Variants in SLC23A2 observed in about 807,000 individuals in gnomAD.
SLC23A2 encodes solute carrier family 23 member 2.
In SLC23A2, 36 loss-of-function variants were observed where a neutral mutation model predicts 73.3. That is an observed-to-expected ratio of 0.49 (90% CI 0.38 to 0.65). SLC23A2 has a LOEUF of 0.65. SLC23A2 is among the 30% of genes least tolerant of loss of function. The probability of loss-of-function intolerance (pLI) is 0.00; values close to 1 mark genes in which losing one functional copy is unlikely to be tolerated. For synonymous variants in SLC23A2, 343 were observed against 327.3 expected (o/e 1.05, Z -0.52); for missense variants, 507 against 841.6 (o/e 0.60, Z 4.92).
Position 4,993,105 on chromosome 20 carries a change from C to T in SLC23A2, c.-282+8301G>A, listed in dbSNP as rs182003767. Among the ~76,000 whole-genome samples, 14 of 151,644 alleles carry T rather than the reference C, an allele frequency of 9.2e-5. No individual in the cohort carries two copies. In the East Asian group the frequency reaches 9.9e-4, roughly 11 times the overall value. Reference sequence around the variant, plus strand: ...CATCCTGGCCAACACAGTGAAACCCCGTCTCTACTAAAAACACACACACAA... The same window carrying T: ...CATCCTGGCCAACACAGTGAAACCCTGTCTCTACTAAAAACACACACACAA... On this transcript the variant is annotated intron_variant, in intron 1 of 16. Coordinates refer to ENST00000338244, the MANE Select transcript of SLC23A2 (RefSeq NM_005116.6).
At chr20:4,956,003 A>AGTAT (rs2087282605) in intron 2 of SLC23A2, among the ~76,000 whole-genome samples, 1 of 152,162 alleles carries the variant, frequency 6.6e-6, no homozygotes, top group Admixed American at 6.5e-5. Context: ...CTCAATTCTT[A>AGTAT]GTATGTATGT....
intron 1 of SLC23A2, among the ~76,000 whole-genome samples, chr20:4,991,262 C>T (rs2087918855): frequency 6.6e-6 from 1 of 151,976 alleles, no homozygotes; most frequent in Non-Finnish European, 1.5e-5. Flanking sequence ...GTATGCACAC[C>T]ACCACGCCAG....
At chr20:4,905,862 T>C (rs908783358) in intron 4 of SLC23A2, among the ~76,000 whole-genome samples, 1 of 146,630 alleles carries the variant, frequency 6.8e-6, no homozygotes, top group African/African-American at 2.4e-5. Flanking sequence ...GTGGCTGTGT[T>C]CCAGCAAAAC....
intron 2 of SLC23A2, among the ~76,000 whole-genome samples, chr20:4,959,429 A>G (rs1275322057): frequency 2.0e-5 from 3 of 152,194 alleles, no homozygotes; most frequent in African/African-American, 7.2e-5. Flanking sequence ...CTGGGCATCT[A>G]TGGCTGAATG....
chr20:4,970,437 C>T (rs1200775181), intron 2 of SLC23A2, among the ~76,000 whole-genome samples: 2 of 152,038 alleles, frequency 1.3e-5, no homozygotes, highest in Non-Finnish European at 2.9e-5. Context: ...CCAATTCTAC[C>T]ATGAAGCATA....
intron 9 of SLC23A2, among the ~76,000 whole-genome samples, chr20:4,875,616 C>A (rs534567559): frequency 1.4e-4 from 22 of 152,282 alleles, no homozygotes; most frequent in Admixed American, 1.3e-3. Flanking sequence ...AGGTGCTGAC[C>A]CCTCCACGGC....
At position 4,925,889 on chromosome 20, in the gene SLC23A2, C is replaced by T. The variant is rs114814939; in HGVS notation, c.108+6566G>A. 2.9e-3 allele frequency among the ~76,000 whole-genome samples: 446 copies of T among 152,328 alleles called. 1 individual carries two copies. Among genetic ancestry groups the T allele is most frequent in the African/African-American group, 0.01 (420 of 41,566 alleles). ...GACCGGCAAGGCCCACCCTACAACA[C>T]GACTGGGCAAGGGTCTCACGTGGAC... On this transcript the variant is annotated intron_variant, in intron 3 of 16. Coordinates refer to ENST00000338244, the MANE Select transcript of SLC23A2 (RefSeq NM_005116.6).
intron 9 of SLC23A2, among the ~76,000 whole-genome samples, chr20:4,880,534 T>A (rs373025709): frequency 6.6e-6 from 1 of 151,638 alleles, no homozygotes; most frequent in African/African-American, 2.4e-5. Flanking sequence ...CACCAGAGCA[T>A]AAATGACAAT....
chr20:4,871,733 GAC>G (rs1386915478), intron 11 of SLC23A2, among the ~76,000 whole-genome samples: 3 of 152,108 alleles, frequency 2.0e-5, no homozygotes, highest in African/African-American at 7.2e-5. Flanking sequence ...GATGGGGCTC[GAC>G]ACACCCTATG....
chr20:4,937,049 G>A (rs960313060), intron 2 of SLC23A2, among the ~76,000 whole-genome samples: 24 of 151,966 alleles, frequency 1.6e-4, no homozygotes, highest in African/African-American at 5.3e-4. Context: ...CCTTGGACAC[G>A]CCATAAAAAG....
At chr20:4,988,050 G>A (rs2087859681) in intron 1 of SLC23A2, among the ~76,000 whole-genome samples, 1 of 149,892 alleles carries the variant, frequency 6.7e-6, no homozygotes, top group Admixed American at 6.7e-5. Context: ...TGTAATCTCA[G>A]CACTTTGGGA....
intron 4 of SLC23A2, among the ~76,000 whole-genome samples, chr20:4,910,233 C>T (rs1189542388): frequency 6.6e-6 from 1 of 152,002 alleles, no homozygotes; most frequent in African/African-American, 2.4e-5. Flanking sequence ...AAAAATTAGC[C>T]TGGTATGATG....
chr20:4,896,698 C>T (rs954454425), intron 6 of SLC23A2, among the ~76,000 whole-genome samples: 1 of 152,158 alleles, frequency 6.6e-6, no homozygotes, highest in Non-Finnish European at 1.5e-5. Context: ...TTGCCTAGGC[C>T]CCCATCACCT....
chr20:4,864,491 T>C (rs1930115477), intron 13 of SLC23A2, among the ~76,000 whole-genome samples: 2 of 151,650 alleles, frequency 1.3e-5, no homozygotes, highest in African/African-American at 4.8e-5. Context: ...ATGGAAAAGA[T>C]CACTCAAACT....
chr20:5,003,348 C>A (rs145071375), upstream of SLC23A2, among the ~76,000 whole-genome samples: 1 of 152,102 alleles, frequency 6.6e-6, no homozygotes, highest in Non-Finnish European at 1.5e-5. Context: ...CGCGCCACCG[C>A]ACTCCAGCCT....
Position 4,947,915 on chromosome 20 carries a change from A to T in SLC23A2, c.-154-15199T>A, listed in dbSNP as rs1177625710. On this transcript the variant is annotated intron_variant, in intron 2 of 16. Coordinates refer to ENST00000338244, the MANE Select transcript of SLC23A2 (RefSeq NM_005116.6). The surrounding 1 kb of genome is among the most constrained non-coding windows in gnomAD (Gnocchi z 4.4). ...TCCAGGTCTCCAGATGCCTTTTGTC[A>T]TTTGATGCTCCCCCTGGCTCACCCA... 6.6e-6 allele frequency among the ~76,000 whole-genome samples: 1 copy of T among 152,200 alleles called. No individual in the cohort carries two copies. Among genetic ancestry groups the T allele is most frequent in the Non-Finnish European group, 1.5e-5 (1 of 68,034 alleles).
intron 6 of SLC23A2, among the ~76,000 whole-genome samples, chr20:4,894,015 G>A (rs765662562): frequency 2.0e-4 from 31 of 152,170 alleles, no homozygotes; most frequent in Non-Finnish European, 3.8e-4. Context: ...ACAAAAGAAT[G>A]ACGGCTGCAG....
intron 9 of SLC23A2, among the ~76,000 whole-genome samples, chr20:4,877,256 T>C (rs59230901): frequency 0.012 from 1,887 of 152,324 alleles, 39 homozygotes; most frequent in African/African-American, 0.043. Flanking sequence ...TGTATCATCA[T>C]TGCTTCTAAT....
chr20:4,987,394 C>G (rs559704605), intron 1 of SLC23A2, among the ~76,000 whole-genome samples: 1 of 152,086 alleles, frequency 6.6e-6, no homozygotes. Context: ...ACCTGAAGAA[C>G]GATCACTCGT....
Sources: gnomAD v4.1 joint callset for allele counts (sites outside exome capture counted in the v4.1 genomes callset) on GRCh38, gnomAD v4.1.1 for gene constraint, Gnocchi (gnomAD v3.1) non-coding constraint, MANE v1.5 for transcripts, NCBI Gene and HGNC (gene_info 2026-07-23, HGNC 2026-07-21) for gene names.